CDH18: variants seen among roughly 807,000 people sequenced by gnomAD.
CDH18 encodes the protein cadherin 18, also known as cadherin-18.
Under a neutral mutation model 67.9 loss-of-function variants are expected in CDH18, and 31 were observed. That is an observed-to-expected ratio of 0.46 (90% CI 0.34 to 0.62). The LOEUF is 0.62. Ranked by LOEUF, CDH18 falls within the 20% of genes least tolerant of loss-of-function variation. The pLI, the probability that CDH18 is intolerant of heterozygous loss-of-function variation, is 0.01. For missense variants in CDH18, 890 were observed against 975.5 expected, an observed-to-expected ratio of 0.91 and a Z score of 1.17; for synonymous variants, 362 against 347.2, an observed-to-expected ratio of 1.04 and a Z score of -0.48.
intron 1 of CDH18, among the ~76,000 whole-genome samples, chr5:20,261,460 G>A (rs1744645566): frequency 6.6e-6 from 1 of 152,168 alleles, no homozygotes; most frequent in Non-Finnish European, 1.5e-5. Flanking sequence ...ATTGCTAGAG[G>A]TCGGGCGTGG....
chr5:20,474,243 C>T (rs1391617484), intron 1 of CDH18, among the ~76,000 whole-genome samples: 1 of 152,020 alleles, frequency 6.6e-6, no homozygotes, highest in African/African-American at 2.4e-5. Context: ...GCCACTGCAC[C>T]TTTCCAGCCT....
At chr5:20,191,710 A>G (rs1390692319) in intron 2 of CDH18, among the ~76,000 whole-genome samples, 1 of 152,114 alleles carries the variant, frequency 6.6e-6, no homozygotes, top group Non-Finnish European at 1.5e-5. Context: ...TACTGTGCAT[A>G]GTATTCCATG....
chr5:19,967,415 T>G (rs1367745812), intron 2 of CDH18, among the ~76,000 whole-genome samples: 1 of 152,116 alleles, frequency 6.6e-6, no homozygotes, highest in East Asian at 1.9e-4. Flanking sequence ...GCCTTCTGTG[T>G]GCTTGACACT....
At chr5:19,668,453 C>A (rs1444837638) in intron 5 of CDH18, among the ~76,000 whole-genome samples, 1 of 151,860 alleles carries the variant, frequency 6.6e-6, no homozygotes, top group East Asian at 1.9e-4. Context: ...GCACTATGAT[C>A]AAAAGACCTG....
chr5:19,912,585 A>G (rs1437028099), intron 2 of CDH18, among the ~76,000 whole-genome samples: 1 of 152,160 alleles, frequency 6.6e-6, no homozygotes, highest in East Asian at 1.9e-4. Context: ...TTTGCAAGTG[A>G]AGAAGAAGAG....
Position 19,471,571 on chromosome 5 carries a change from T to G in CDH18, c.*1655A>C, listed in dbSNP as rs1737655380. ...TATTTCATGTATTTAAGAATTTCAA[T>G]ATTTCTGAAATATATAGATGTGGCC... On this transcript the variant is annotated 3_prime_UTR_variant, in exon 13 of 13. Coordinates refer to ENST00000382275, the MANE Select transcript of CDH18 (RefSeq NM_004934.5). Among the ~76,000 whole-genome samples, 1 of 151,414 alleles carries G rather than the reference T, an allele frequency of 6.6e-6. No homozygotes were observed. Among genetic ancestry groups the G allele is most frequent in the Admixed American group, 6.6e-5 (1 of 15,066 alleles).
intron 2 of CDH18, among the ~76,000 whole-genome samples, chr5:20,069,891 G>A (rs868490547): frequency 4.6e-5 from 7 of 152,140 alleles, no homozygotes; most frequent in Admixed American, 2.6e-4. Flanking sequence ...TATTGACACC[G>A]AAATGATCAC....
At chr5:20,256,311 G>T (rs1310670129) in intron 1 of CDH18, among the ~76,000 whole-genome samples, 1 of 151,980 alleles carries the variant, frequency 6.6e-6, no homozygotes, top group African/African-American at 2.4e-5. Context: ...AGGAGCATAA[G>T]AATTATGCTT....
At position 20,341,596 on chromosome 5, in the gene CDH18, T is replaced by A. The variant is rs552708052; in HGVS notation, c.-579-86091A>T. On this transcript the variant is annotated intron_variant, in intron 1 of 14. Transcript: ENST00000507958. The stretch of plus-strand genomic sequence containing the variant: ...TAATATAGAACTAATAGGATATGTA[T>A]ATTCTATTAGTTCTGTCCCTCTAGA... 7.9e-5 allele frequency among the ~76,000 whole-genome samples: 12 copies of A among 152,202 alleles called. No individual in the cohort carries two copies. The East Asian group carries it at 1.5e-3, about 20-fold the overall frequency.
intron 1 of CDH18, among the ~76,000 whole-genome samples, chr5:20,484,280 G>A (rs568350596): frequency 9.9e-5 from 15 of 152,072 alleles, no homozygotes; most frequent in East Asian, 5.8e-4. Context: ...GGCAATAATA[G>A]ATGCTGGCAA....
At chr5:20,376,243 G>T (rs1479929768) in intron 1 of CDH18, among the ~76,000 whole-genome samples, 1 of 151,414 alleles carries the variant, frequency 6.6e-6, no homozygotes. Context: ...ACAGGCGCCC[G>T]CCACCTCGCC....
intron 1 of CDH18, among the ~76,000 whole-genome samples, chr5:20,545,346 C>G (rs373035717): frequency 6.6e-5 from 10 of 152,204 alleles, no homozygotes; most frequent in Non-Finnish European, 1.3e-4. Flanking sequence ...CCAGTGGGCA[C>G]TCTGTGTGGG....
At chr5:20,006,018 A>G (rs1369697221) in intron 2 of CDH18, among the ~76,000 whole-genome samples, 1 of 152,048 alleles carries the variant, frequency 6.6e-6, no homozygotes, top group Non-Finnish European at 1.5e-5. Flanking sequence ...TCAGAAAATA[A>G]GAGAACAACT....
intron 2 of CDH18, among the ~76,000 whole-genome samples, chr5:20,244,964 A>G (rs1263888752): frequency 6.6e-6 from 1 of 152,118 alleles, no homozygotes; most frequent in Non-Finnish European, 1.5e-5. Context: ...AAAAAATAAT[A>G]GTTCACAAGA....
chr5:19,855,200 C>T (rs998766450), intron 2 of CDH18, among the ~76,000 whole-genome samples: 2 of 151,962 alleles, frequency 1.3e-5, no homozygotes, highest in African/African-American at 4.8e-5. Context: ...CATCTTGTTC[C>T]CCTGCTCTTC....
At chr5:20,380,081 C>A (rs892595014) in intron 1 of CDH18, among the ~76,000 whole-genome samples, 1 of 151,998 alleles carries the variant, frequency 6.6e-6, no homozygotes, top group African/African-American at 2.4e-5. Flanking sequence ...GATATCTTTG[C>A]AAAATGAGGG....
chr5:20,174,399 C>T (rs909135196), intron 2 of CDH18, among the ~76,000 whole-genome samples: 16 of 152,142 alleles, frequency 1.1e-4, no homozygotes, highest in African/African-American at 3.9e-4. Context: ...TGAGCAACTG[C>T]TGTATGCTAG....
chr5:20,486,703 ATATGTGTGTGTGTG>A (rs1311329486), intron 1 of CDH18, among the ~76,000 whole-genome samples: 2 of 150,310 alleles, frequency 1.3e-5, no homozygotes, highest in African/African-American at 2.4e-5. Context: ...ATATATACAT[ATATGTGTGTGTGTG>A]TATGTGTGTG....
intron 1 of CDH18, among the ~76,000 whole-genome samples, chr5:20,393,725 A>G (rs1745052400): frequency 6.6e-6 from 1 of 152,068 alleles, no homozygotes; most frequent in Admixed American, 6.6e-5. Flanking sequence ...CTATACACCA[A>G]CAACAATCAA....
Sources: gnomAD v4.1 joint callset for allele counts (sites outside exome capture counted in the v4.1 genomes callset) on GRCh38, gnomAD v4.1.1 for gene constraint, MANE v1.5 for transcripts, NCBI Gene and HGNC (gene_info 2026-07-23, HGNC 2026-07-21) for gene names.